Variants in PIK3C2G observed in about 807,000 individuals in gnomAD.
The protein encoded by PIK3C2G is phosphatidylinositol-4-phosphate 3-kinase catalytic subunit type 2 gamma.
Under a neutral mutation model 181.1 loss-of-function variants are expected in PIK3C2G, and 168 were observed. That is an observed-to-expected ratio of 0.93 (90% CI 0.82 to 1.05). The LOEUF (loss-of-function observed/expected upper bound fraction) is 1.05, where lower values mean the gene tolerates loss of function less well. PIK3C2G is among the 50% of genes least tolerant of loss of function. PIK3C2G has a pLI of 0.00. For synonymous variants in PIK3C2G, 573 were observed against 592.2 expected (o/e 0.97, Z 0.47); for missense variants, 1,869 against 1,732.8 (o/e 1.08, Z -1.40).
In PIK3C2G at chr12:18,600,302, C is replaced by G. The variant is rs77192593; in HGVS notation, c.4087+5733C>G. Among the ~76,000 whole-genome samples the G allele has an allele frequency of 5.6e-3, 853 of 151,792 alleles. 6 individuals are homozygous for G. The highest frequency in any genetic ancestry group is 0.02 in the African/African-American group (821 of 41,418). ...TTAGGTTTAGGAATTAAAAAAAAAT[C>G]TTTTGAAGAACTGTTGGATCAAATG... On this transcript the variant is annotated intron_variant, in intron 30 of 32. Coordinates refer to ENST00000538779, the MANE Select transcript of PIK3C2G (RefSeq NM_001288772.2).
chr12:18,497,974 T>C (rs1410335884), intron 22 of PIK3C2G, among the ~76,000 whole-genome samples: 2 of 152,234 alleles, frequency 1.3e-5, no homozygotes, highest in African/African-American at 4.8e-5. Flanking sequence ...ACCTTCACAT[T>C]ACAAATGTTA....
chr12:18,658,789 C>G, the PIK3C2G span, among the ~76,000 whole-genome samples: 414 of 152,176 alleles, frequency 2.7e-3, 1 homozygote, highest in African/African-American at 9.4e-3. Flanking sequence ...GAATGCTATA[C>G]TTTAGCTTAG....
chr12:18,292,946 A>C (rs567067799), intron 4 of PIK3C2G, among the ~76,000 whole-genome samples: 2 of 152,280 alleles, frequency 1.3e-5, no homozygotes, highest in African/African-American at 4.8e-5. Flanking sequence ...ACTTAACACT[A>C]ACTGTGTAAT....
At chr12:18,451,386 T>C (rs761710026) in intron 18 of PIK3C2G, among the ~76,000 whole-genome samples, 26 of 152,210 alleles carry the variant, frequency 1.7e-4, no homozygotes, top group Non-Finnish European at 3.2e-4. Context: ...TTGTCTATTA[T>C]TGCTGTGTAG....
intron 4 of PIK3C2G, among the ~76,000 whole-genome samples, chr12:18,292,762 A>G (rs1949767586): frequency 6.6e-6 from 1 of 152,222 alleles, no homozygotes; most frequent in Non-Finnish European, 1.5e-5. Flanking sequence ...TTTCTATAAT[A>G]TAGCTGTTCA....
At chr12:18,273,529 T>G (rs1948834977) in intron 1 of PIK3C2G, among the ~76,000 whole-genome samples, 1 of 152,288 alleles carries the variant, frequency 6.6e-6, no homozygotes, top group East Asian at 1.9e-4. Context: ...GGTAGCTTGA[T>G]GGGGATGGCA....
chr12:18,290,074 C>G (rs1346155445), intron 3 of PIK3C2G, among the ~76,000 whole-genome samples: 1 of 151,994 alleles, frequency 6.6e-6, no homozygotes, highest in Non-Finnish European at 1.5e-5. Context: ...TTTTACATGT[C>G]TTTTCTATTG....
chr12:18,602,160 G>A lies in PIK3C2G; in HGVS notation c.4088-7375G>A, dbSNP rs575602922. ...TTGGGCAACTTTTCGAGCCTGACTC[G>A]CCCTCCACCTGGAAACAGACTGTTG... is the stretch of plus-strand genomic sequence containing the variant. On this transcript the variant is annotated intron_variant, in intron 30 of 32. Transcript: ENST00000538779. 4.9e-4 allele frequency among the ~76,000 whole-genome samples: 74 copies of A among 152,104 alleles called. 1 individual carries two copies. The highest frequency in any genetic ancestry group is 9.6e-4 in the African/African-American group (40 of 41,486).
chr12:18,636,379 C>T lies in PIK3C2G; in HGVS notation c.4183-4050C>T, dbSNP rs114374923. On this transcript the variant is annotated intron_variant, in intron 31 of 32. Transcript: ENST00000538779. ...CCCAAGCAGCTGGGATTACAAGGCACGTGCCACCATGTCCAGTAATTTTGT... is the reference window on the plus strand; with the variant it reads ...CCCAAGCAGCTGGGATTACAAGGCATGTGCCACCATGTCCAGTAATTTTGT... Among the ~76,000 whole-genome samples the T allele has an allele frequency of 2.1e-3, 320 of 152,220 alleles. 3 individuals carry two copies. Among genetic ancestry groups the T allele is most frequent in the African/African-American group, 7.3e-3 (302 of 41,548 alleles).
At chr12:18,305,293 G>T (rs1057196557) in intron 5 of PIK3C2G, among the ~76,000 whole-genome samples, 2 of 152,024 alleles carry the variant, frequency 1.3e-5, no homozygotes, top group Non-Finnish European at 1.5e-5. Flanking sequence ...TGTTTATTAT[G>T]ATTAAAAGCT....
the PIK3C2G span, among the ~76,000 whole-genome samples, chr12:18,681,615 G>A: frequency 1.3e-5 from 2 of 151,742 alleles, no homozygotes; most frequent in East Asian, 1.9e-4. Flanking sequence ...ATTTTAAAAT[G>A]GAACCAAAAA....
At chr12:18,675,149 A>G in the PIK3C2G span, among the ~76,000 whole-genome samples, 2 of 152,194 alleles carry the variant, frequency 1.3e-5, no homozygotes, top group Non-Finnish European at 2.9e-5. Context: ...ATTTTAATTT[A>G]TTTAAATATA....
At chr12:18,587,666 T>C (rs1453274863) in intron 29 of PIK3C2G, among the ~76,000 whole-genome samples, 1 of 152,110 alleles carries the variant, frequency 6.6e-6, no homozygotes, top group Non-Finnish European at 1.5e-5. Context: ...CCTGTCAAGC[T>C]ACCAATGACA....
At chr12:18,512,337 G>A (rs1397503159) in intron 24 of PIK3C2G, among the ~76,000 whole-genome samples, 2 of 151,364 alleles carry the variant, frequency 1.3e-5, no homozygotes, top group African/African-American at 4.8e-5. Flanking sequence ...TTGTCCATTT[G>A]TGTGAAAAAA....
At chr12:18,512,829 T>C (rs1237122246) in intron 24 of PIK3C2G, among the ~76,000 whole-genome samples, 1 of 151,926 alleles carries the variant, frequency 6.6e-6, no homozygotes, top group Admixed American at 6.6e-5. Flanking sequence ...TCCAGTACTA[T>C]GCTGAAAAGA....
intron 18 of PIK3C2G, among the ~76,000 whole-genome samples, chr12:18,430,033 T>C (rs1291518570): frequency 6.6e-6 from 1 of 152,186 alleles, no homozygotes; most frequent in Non-Finnish European, 1.5e-5. Flanking sequence ...TTCCTTTCCC[T>C]TCCCTATAAT....
chr12:18,712,893 G>A, the PIK3C2G span: 1 of 1,613,882 alleles, frequency 6.2e-7, no homozygotes, highest in Non-Finnish European at 8.5e-7. Flanking sequence ...ACAGAAGTTT[G>A]CTTGTGAGTG....
At chr12:18,331,072 C>T (rs7973636) in intron 8 of PIK3C2G, among the ~76,000 whole-genome samples, 7,183 of 151,774 alleles carry the variant, frequency 0.047, 575 homozygotes, top group African/African-American at 0.17. Flanking sequence ...AGTTCTAGAC[C>T]CCCTGTTCTG....
intron 7 of PIK3C2G, among the ~76,000 whole-genome samples, chr12:18,321,461 T>C (rs145798991): frequency 6.6e-6 from 1 of 152,344 alleles, no homozygotes; most frequent in Non-Finnish European, 1.5e-5. Context: ...ATTGGAAAAC[T>C]TGATTGACAA....
Sources: gnomAD v4.1 joint callset for allele counts (sites outside exome capture counted in the v4.1 genomes callset) on GRCh38, gnomAD v4.1.1 for gene constraint, MANE v1.5 for transcripts, NCBI Gene and HGNC (gene_info 2026-07-23, HGNC 2026-07-21) for gene names.